The following DOCK10 variants were observed in gnomAD, a reference collection of about 807,000 sequenced individuals.
DOCK10 encodes dedicator of cytokinesis 10.
In DOCK10, 145 loss-of-function variants were observed where a neutral mutation model predicts 280.1. The ratio of observed to expected loss-of-function variants is 0.52; its 90% CI spans 0.45 to 0.59. The LOEUF is 0.59. Among genes scored for constraint, DOCK10 ranks in the 20% least tolerant of loss-of-function variants. DOCK10 has a pLI of 0.00. For missense variants in DOCK10, 2,368 were observed against 2,651.7 expected, an observed-to-expected ratio of 0.89 and a Z score of 2.35; for synonymous variants, 915 against 942.2, an observed-to-expected ratio of 0.97 and a Z score of 0.53.
chr2:224,934,634 A>G (rs16866367), intron 1 of DOCK10, among the ~76,000 whole-genome samples: 1,579 of 152,316 alleles, frequency 0.01, 33 homozygotes, highest in African/African-American at 0.036. Flanking sequence ...AGATGTATAC[A>G]AGGATGGTGG....
chr2:225,020,149 A>G (rs914046354), intron 1 of DOCK10, among the ~76,000 whole-genome samples: 18 of 152,156 alleles, frequency 1.2e-4, no homozygotes, highest in African/African-American at 4.3e-4. Context: ...CACTCACATT[A>G]GTAATGGTTC....
chr2:224,797,291 G>T, intron 42 of DOCK10, 145 bp from the exon 43 acceptor site: 2 of 614,402 alleles, frequency 3.3e-6, no homozygotes, highest in Non-Finnish European at 5.4e-6. Flanking sequence ...TTGCAAGTGA[G>T]GAGGATAGAA....
At chr2:225,036,909 T>TA (rs1186325890) in intron 1 of DOCK10, among the ~76,000 whole-genome samples, 1 of 152,148 alleles carries the variant, frequency 6.6e-6, no homozygotes, top group East Asian at 1.9e-4. Flanking sequence ...TACTGTTTTT[T>TA]TTTTTCTGGC....
chr2:224,917,099 A>ATATTTTTTTT (rs1559754057), intron 2 of DOCK10, among the ~76,000 whole-genome samples: 2 of 60,276 alleles, frequency 3.3e-5, no homozygotes, highest in Non-Finnish European at 6.3e-5. Context: ...TTCTATTGGA[A>ATATTTTTTTT]TCTTTTTTTT....
intron 1 of DOCK10, among the ~76,000 whole-genome samples, chr2:224,978,994 T>G (rs1705604719): frequency 6.6e-6 from 1 of 152,226 alleles, no homozygotes; most frequent in Non-Finnish European, 1.5e-5. Context: ...CAAACTCTAT[T>G]GGTTCTACTT....
chr2:224,779,444 G>A lies in DOCK10; in HGVS notation c.5656-1160C>T, dbSNP rs146163819. 6.9e-4 allele frequency among the ~76,000 whole-genome samples: 105 copies of A among 152,158 alleles called. 2 individuals are homozygous for A. The highest frequency in any genetic ancestry group is 2.4e-3 in the African/African-American group (98 of 41,506). On this transcript the variant is annotated intron_variant, in intron 50 of 55. Transcript: ENST00000258390. The stretch of plus-strand genomic sequence containing the variant: ...TTGGCCAGGCTGGTCTCAAACTCTT[G>A]ACCTCAGATGATCCACCCACCTCGG...
intron 25 of DOCK10, among the ~76,000 whole-genome samples, chr2:224,836,674 A>G (rs1017951595): frequency 6.7e-6 from 1 of 149,634 alleles, no homozygotes; most frequent in Admixed American, 6.7e-5. Flanking sequence ...ATCTTGGCTC[A>G]CTGCAAGCTC....
intron 3 of DOCK10, among the ~76,000 whole-genome samples, chr2:224,905,447 C>T (rs1219108411): frequency 4.0e-5 from 6 of 151,690 alleles, no homozygotes; most frequent in Admixed American, 3.9e-4. Flanking sequence ...GACGGGGTTT[C>T]ACCTTGTTAG....
At chr2:224,849,626 A>ATT (rs1214447576) in intron 18 of DOCK10, 27 bp from the exon 19 acceptor site, 1 of 1,469,242 alleles carries the variant, frequency 6.8e-7, no homozygotes, top group African/African-American at 1.4e-5. Context: ...GAGTTGAACA[A>ATT]TTATGAGTGT....
rs147707329 is a variant in DOCK10 at position 225,023,772 on chromosome 2, A to G, written c.123+18480T>C. Among the ~76,000 whole-genome samples the G allele has an allele frequency of 1.6e-3, 244 of 152,336 alleles. 1 individual carries two copies. The highest frequency in any genetic ancestry group is 5.6e-3 in the African/African-American group (231 of 41,574). On this transcript the variant is annotated intron_variant, in intron 1 of 55. Coordinates refer to ENST00000258390, the MANE Select transcript of DOCK10 (RefSeq NM_014689.3). ...AAAAACCAAAAACTAAATGATATGA[A>G]AACAACCTAAATGCCCATCCACAGT...
Position 225,042,281 on chromosome 2 carries a change from C to G in DOCK10, c.94G>C (p.Val32Leu). 2 of 1,338,906 alleles carry G rather than the reference C, an allele frequency of 1.5e-6. No homozygotes were observed. Among genetic ancestry groups the G allele is most frequent in the East Asian group, 6.2e-5 (2 of 32,004 alleles). The allele number at this position is 1,338,906 out of a possible 1,614,324, so 82.9% of individuals were successfully genotyped here. The change falls in exon 1 of 56, where the codon GTG (valine) becomes CTG (leucine). Residue 32 changes from valine to leucine, a missense_variant. Physicochemically the swap from Val to Leu is conservative, Grantham distance 32. Transcript: ENST00000258390. The surrounding 1 kb of genome is among the most constrained non-coding windows in gnomAD (Gnocchi z 5.1). ...LRHSAASAAA[V>L]AVSSRQQQRQ... ...TGCTGCTGCCGGCTGCTGACTGCCACCGCGGCGGCGGACGCGGCGCTGTGC... is the reference window on the plus strand; with the variant it reads ...TGCTGCTGCCGGCTGCTGACTGCCAGCGCGGCGGCGGACGCGGCGCTGTGC...
intron 1 of DOCK10, among the ~76,000 whole-genome samples, chr2:225,003,492 C>T (rs1477561636): frequency 1.3e-5 from 2 of 152,094 alleles, no homozygotes; most frequent in Non-Finnish European, 2.9e-5. Flanking sequence ...TGATGCAACT[C>T]GAATCAGAAG....
chr2:224,804,103 T>G lies in DOCK10; in HGVS notation c.4268+9A>C. 3.2e-6 allele frequency: 5 copies of G among 1,578,532 alleles called. No homozygotes were observed. Among genetic ancestry groups the G allele is most frequent in the Non-Finnish European group, 4.3e-6 (5 of 1,149,554 alleles). ...TATAATTTTAAATACCAAGCAAATG[T>G]GACATTACCATTGTGACAAGAGACC... On this transcript the variant is annotated intron_variant, in intron 39 of 55. Coordinates refer to ENST00000258390, the MANE Select transcript of DOCK10 (RefSeq NM_014689.3).
intron 4 of DOCK10, 127 bp downstream of exon 4, chr2:224,896,168 T>C (rs1370185537): frequency 5.7e-6 from 3 of 530,114 alleles, no homozygotes; most frequent in Non-Finnish European, 9.9e-6. Flanking sequence ...CTCTTACTTA[T>C]ACATTTTGGA....
chr2:224,998,885 G>A (rs770821714), intron 1 of DOCK10, among the ~76,000 whole-genome samples: 21 of 152,116 alleles, frequency 1.4e-4, no homozygotes, highest in Non-Finnish European at 2.9e-4. Context: ...TGAAAGTGTT[G>A]CTCTTAAAAT....
chr2:224,796,009 G>A (rs946613786), intron 44 of DOCK10, among the ~76,000 whole-genome samples: 5 of 148,876 alleles, frequency 3.4e-5, no homozygotes, highest in African/African-American at 1.2e-4. Flanking sequence ...ACTTTGAGGA[G>A]TGCTCAAAGC....
chr2:224,898,779 G>T (rs1700134151), intron 3 of DOCK10, among the ~76,000 whole-genome samples: 1 of 152,124 alleles, frequency 6.6e-6, no homozygotes. Flanking sequence ...GGTTCACCGT[G>T]TTAGCCAGGA....
chr2:224,827,972 C>T (rs1221860526), intron 27 of DOCK10, among the ~76,000 whole-genome samples: 1 of 152,170 alleles, frequency 6.6e-6, no homozygotes, highest in Non-Finnish European at 1.5e-5. Context: ...AGCCTTAGTG[C>T]TAGCAGAAGT....
chr2:224,892,680 G>C (rs1328585949), intron 4 of DOCK10, among the ~76,000 whole-genome samples: 1 of 152,218 alleles, frequency 6.6e-6, no homozygotes, highest in East Asian at 1.9e-4. Context: ...AGGAAGGAAG[G>C]CTGTAGGGGC....
Sources: gnomAD v4.1 joint callset for allele counts (sites outside exome capture counted in the v4.1 genomes callset) on GRCh38, gnomAD v4.1.1 for gene constraint, Gnocchi (gnomAD v3.1) non-coding constraint, MANE v1.5 for transcripts, NCBI Gene and HGNC (gene_info 2026-07-23, HGNC 2026-07-21) for gene names.